The following RAP1GDS1 variants were observed in gnomAD, a reference collection of about 807,000 sequenced individuals.
RAP1GDS1 encodes Rap1 GTPase-GDP dissociation stimulator 1.
RAP1GDS1 carries 35 observed loss-of-function variants against 71.1 expected under a neutral mutation model. That is an observed-to-expected ratio of 0.49 (90% CI 0.38 to 0.65). The LOEUF (loss-of-function observed/expected upper bound fraction) is 0.65, where lower values mean the gene tolerates loss of function less well. RAP1GDS1 is among the 30% of genes least tolerant of loss of function. The probability of loss-of-function intolerance (pLI) is 0.00; values close to 1 mark genes in which losing one functional copy is unlikely to be tolerated. For missense variants in RAP1GDS1, 663 were observed against 706.1 expected (o/e 0.94, Z 0.69); for synonymous variants, 229 against 243.1 (o/e 0.94, Z 0.54).
rs530352608 is a variant in RAP1GDS1 at position 98,347,681 on chromosome 4, T to C, written c.235+4420T>C. ...TTTCAGCCTCTTTCCCTTGCAGTAC[T>C]GCCCCTTTCCCCGAACCAAAATTTT... On this transcript the variant is annotated intron_variant, in intron 3 of 14. Transcript: ENST00000408927. 9.2e-5 allele frequency among the ~76,000 whole-genome samples: 14 copies of C among 152,236 alleles called. No individual in the cohort carries two copies. In the South Asian group the frequency reaches 2.9e-3, roughly 32 times the overall value.
intron 4 of RAP1GDS1, among the ~76,000 whole-genome samples, chr4:98,368,273 C>G (rs185870093): frequency 6.6e-6 from 1 of 152,084 alleles, no homozygotes; most frequent in Admixed American, 6.5e-5. Flanking sequence ...CCCTGCCATG[C>G]GGAACTATAA....
rs948138148 is a variant in RAP1GDS1 at position 98,344,713 on chromosome 4, C to T, written c.235+1452C>T. 5.9e-5 allele frequency among the ~76,000 whole-genome samples: 9 copies of T among 152,178 alleles called. No individual in the cohort carries two copies. In the East Asian group the frequency reaches 1.7e-3, roughly 29 times the overall value. The stretch of plus-strand genomic sequence containing the variant: ...TGATAAAGGGCATATCACTAACCTC[C>T]ACTGGTTAAAATAAATAGGATACAT... On this transcript the variant is annotated intron_variant, in intron 3 of 14. Coordinates refer to ENST00000408927, the MANE Select transcript of RAP1GDS1 (RefSeq NM_001100427.2).
chr4:98,274,114 C>T lies in RAP1GDS1; in HGVS notation c.4+12545C>T, dbSNP rs142603014. On this transcript the variant is annotated intron_variant, in intron 1 of 14. Transcript: ENST00000408927. ...ATGACTTTATTGCAGTATTTTCTCA[C>T]GTAAGCACTGCTTTGCCTTGACTTT... is the stretch of plus-strand genomic sequence containing the variant. 1.4e-3 allele frequency among the ~76,000 whole-genome samples: 219 copies of T among 152,244 alleles called. 3 individuals carry two copies. Among genetic ancestry groups the T allele is most frequent in the African/African-American group, 3.8e-3 (158 of 41,556 alleles).
At position 98,392,013 on chromosome 4, in the gene RAP1GDS1, C is replaced by T; in HGVS notation, c.570C>T (p.Gly190=). 3 of 1,610,994 alleles carry T rather than the reference C, an allele frequency of 1.9e-6. No individual in the cohort carries two copies. Among genetic ancestry groups the T allele is most frequent in the Middle Eastern group, 1.7e-4 (1 of 6,026 alleles). Residue 190 remains glycine, a synonymous_variant, in exon 6 of 15, where the codon GGC becomes GGT. Coordinates refer to ENST00000408927, the MANE Select transcript of RAP1GDS1 (RefSeq NM_001100427.2). ...GVIPTLVKLL[G]IHCQNAALTE... is the part of the protein sequence containing the mutation. ...TTCCTACCTTAGTGAAATTACTGGG[C>T]ATCCACTGCCAAAATGCAGCTCTTA...
chr4:98,416,266 C>T (rs1400715316), intron 7 of RAP1GDS1, among the ~76,000 whole-genome samples: 4 of 146,578 alleles, frequency 2.7e-5, no homozygotes, highest in African/African-American at 1.0e-4. Context: ...TTTAAATGAA[C>T]TGTCAAGATA....
chr4:98,431,329 A>C (rs1750378568), intron 12 of RAP1GDS1, among the ~76,000 whole-genome samples: 1 of 152,226 alleles, frequency 6.6e-6, no homozygotes, highest in South Asian at 2.1e-4. Flanking sequence ...AAATTACCTC[A>C]AATCAAAGCC....
At chr4:98,272,132 T>C (rs1202124488) in intron 1 of RAP1GDS1, among the ~76,000 whole-genome samples, 1 of 152,204 alleles carries the variant, frequency 6.6e-6, no homozygotes, top group Non-Finnish European at 1.5e-5. Flanking sequence ...ATTTCAGGCT[T>C]TGTAGGCCAT....
chr4:98,280,746 T>G (rs1226516701), intron 1 of RAP1GDS1, among the ~76,000 whole-genome samples: 1 of 152,262 alleles, frequency 6.6e-6, no homozygotes, highest in Non-Finnish European at 1.5e-5. Flanking sequence ...GTTTTAGGTC[T>G]AACATTTAAG....
intron 5 of RAP1GDS1, 31 bp downstream of exon 5, chr4:98,379,194 T>C (rs762902592): frequency 1.3e-6 from 2 of 1,522,000 alleles, no homozygotes; most frequent in African/African-American, 1.4e-5. Flanking sequence ...GCTTTATCTC[T>C]GGGGGAAAAA....
intron 1 of RAP1GDS1, among the ~76,000 whole-genome samples, chr4:98,279,783 C>T (rs28840158): frequency 0.043 from 6,537 of 152,082 alleles, 322 homozygotes; most frequent in African/African-American, 0.12. Flanking sequence ...GACAGGCCCC[C>T]GTGTGTGATG....
intron 1 of RAP1GDS1, among the ~76,000 whole-genome samples, chr4:98,267,489 C>G (rs1281002592): frequency 6.6e-6 from 1 of 152,126 alleles, no homozygotes; most frequent in Middle Eastern, 3.2e-3. Context: ...GCCCTTGCCT[C>G]CCTCCATTTG....
At chr4:98,425,965 A>G (rs1224956864) in intron 12 of RAP1GDS1, among the ~76,000 whole-genome samples, 2 of 152,218 alleles carry the variant, frequency 1.3e-5, no homozygotes, top group Non-Finnish European at 2.9e-5. Flanking sequence ...GATAGACCAT[A>G]TAATAGACCA....
At chr4:98,324,597 A>C (rs1463512822) in intron 2 of RAP1GDS1, among the ~76,000 whole-genome samples, 1 of 145,536 alleles carries the variant, frequency 6.9e-6, no homozygotes, top group Non-Finnish European at 1.5e-5. Context: ...AACAGAACAG[A>C]GCCCTCAGAA....
intron 3 of RAP1GDS1, among the ~76,000 whole-genome samples, chr4:98,346,566 T>A (rs1333624321): frequency 1.3e-5 from 2 of 151,966 alleles, no homozygotes; most frequent in African/African-American, 2.4e-5. Context: ...TTATTTTTTT[T>A]TTTTTTGAGA....
chr4:98,319,919 C>T (rs1026174903), intron 2 of RAP1GDS1, among the ~76,000 whole-genome samples: 7 of 152,106 alleles, frequency 4.6e-5, no homozygotes, highest in African/African-American at 1.7e-4. Context: ...TCCCTGCTAC[C>T]TCTGAGGCGG....
intron 2 of RAP1GDS1, among the ~76,000 whole-genome samples, chr4:98,329,425 A>G (rs962227865): frequency 2.0e-5 from 3 of 152,114 alleles, no homozygotes; most frequent in African/African-American, 7.2e-5. Flanking sequence ...TGAACCCATC[A>G]GTTTATTAGT....
intron 2 of RAP1GDS1, among the ~76,000 whole-genome samples, chr4:98,310,856 C>G (rs1730121248): frequency 6.6e-6 from 1 of 151,896 alleles, no homozygotes; most frequent in African/African-American, 2.4e-5. Flanking sequence ...TTAATTTTAT[C>G]TGTTTCTTTT....
At chr4:98,413,825 C>G (rs1040369344) in intron 7 of RAP1GDS1, among the ~76,000 whole-genome samples, 1 of 152,060 alleles carries the variant, frequency 6.6e-6, no homozygotes, top group African/African-American at 2.4e-5. Context: ...AACTAGTTTA[C>G]AGTCCCACCA....
At chr4:98,424,154 G>C (rs898748997) in intron 12 of RAP1GDS1, among the ~76,000 whole-genome samples, 1 of 152,082 alleles carries the variant, frequency 6.6e-6, no homozygotes, top group African/African-American at 2.4e-5. Context: ...CACCAGATTG[G>C]GTTATCATGC....
Sources: gnomAD v4.1 joint callset for allele counts (sites outside exome capture counted in the v4.1 genomes callset) on GRCh38, gnomAD v4.1.1 for gene constraint, MANE v1.5 for transcripts, NCBI Gene and HGNC (gene_info 2026-07-23, HGNC 2026-07-21) for gene names.